The following NAT2 variants were observed in gnomAD, a reference collection of about 807,000 sequenced individuals.
NAT2 encodes N-acetyltransferase 2.
For missense variants in NAT2, 428 were observed against 339.1 expected, an observed-to-expected ratio of 1.26 and a Z score of -2.06; for synonymous variants, 137 against 125.9, an observed-to-expected ratio of 1.09 and a Z score of -0.59.
Position 18,400,635 on chromosome 8 carries a change from C to T in NAT2, c.632C>T (p.Thr211Met), listed in dbSNP as rs749810939. 63 of 1,613,864 alleles carry T rather than the reference C, an allele frequency of 3.9e-5. No homozygotes were observed. Among genetic ancestry groups the T allele is most frequent in the Non-Finnish European group, 3.6e-5 (43 of 1,179,988 alleles). ...DFESMNTYLQ[T>M]SPTSSFITTS... is the part of the protein sequence containing the mutation. ...GAGTCTATGAATACATACCTGCAGA[C>T]GTCTCCAACATCTTCATTTATAACC... The change falls in exon 2 of 2, where the codon ACG becomes ATG. Residue 211 changes from threonine to methionine, a missense_variant. Thr to Met is a moderately conservative substitution (Grantham distance 81). Transcript: ENST00000286479.
intron 1 of NAT2, among the ~76,000 whole-genome samples, chr8:18,395,305 G>C (rs1585136717): frequency 1.3e-5 from 2 of 152,104 alleles, no homozygotes; most frequent in African/African-American, 2.4e-5. Context: ...AATGACAGAA[G>C]TCTTAGGACA....
chr8:18,394,396 C>G (rs536200141), intron 1 of NAT2, among the ~76,000 whole-genome samples: 2 of 152,258 alleles, frequency 1.3e-5, no homozygotes, highest in African/African-American at 4.8e-5. Context: ...TGTTACTATA[C>G]TTGGTCTGAT....
chr8:18,400,369 T>A lies in NAT2; in HGVS notation c.366T>A (p.Asp122Glu). The change falls in exon 2 of 2, where the codon GAT (aspartate) becomes GAA (glutamate). Residue 122 changes from aspartate (D) to glutamate (E), a missense_variant. Physicochemically the swap from Asp to Glu is conservative, Grantham distance 45. Coordinates refer to ENST00000286479, the MANE Select transcript of NAT2 (RefSeq NM_000015.3). Reference sequence around the variant, plus strand: ...TTGACGGCAGGAATTACATTGTCGATGCTGGGTCTGGAAGCTCCTCCCAGA... The same window carrying A: ...TTGACGGCAGGAATTACATTGTCGAAGCTGGGTCTGGAAGCTCCTCCCAGA... ...VTIDGRNYIV[D>E]AGSGSSSQMW... 1 of 1,612,758 alleles carries A rather than the reference T, an allele frequency of 6.2e-7. No individual in the cohort carries two copies. Among genetic ancestry groups the A allele is most frequent in the Non-Finnish European group, 8.5e-7 (1 of 1,179,424 alleles).
At chr8:18,389,517 TGAAAA>T (rs1800560192), upstream of NAT2, among the ~76,000 whole-genome samples, 1 of 152,064 alleles carries the variant, frequency 6.6e-6, no homozygotes, top group East Asian at 1.9e-4. Flanking sequence ...GAAGTGAAAA[TGAAAA>T]GAACACTGAG....
chr8:18,396,584 C>T (rs1800696065), intron 1 of NAT2, among the ~76,000 whole-genome samples: 4 of 152,112 alleles, frequency 2.6e-5, no homozygotes, highest in South Asian at 2.1e-4. Context: ...TTAGTAGAGA[C>T]GGGGTTTCAC....
intron 1 of NAT2, among the ~76,000 whole-genome samples, chr8:18,394,048 T>G (rs45526838): frequency 0.34 from 51,672 of 151,782 alleles, 9,479 homozygotes; most frequent in Middle Eastern, 0.43. Context: ...AGAGAGTCAG[T>G]GAAGGGAGAT....
intron 1 of NAT2, among the ~76,000 whole-genome samples, chr8:18,395,727 G>A (rs1800673041): frequency 6.6e-6 from 1 of 152,120 alleles, no homozygotes; most frequent in African/African-American, 2.4e-5. Flanking sequence ...AGAGATTTGG[G>A]TTACGGGTAT....
At chr8:18,386,572 A>G (rs1800509292), upstream of NAT2, among the ~76,000 whole-genome samples, 1 of 152,138 alleles carries the variant, frequency 6.6e-6, no homozygotes, top group Admixed American at 6.5e-5. Context: ...AGGTGCCCAT[A>G]CACCCCACCC....
chr8:18,399,922 A>T, intron 1 of NAT2, 76 bp from the exon 2 acceptor site: 5 of 1,433,552 alleles, frequency 3.5e-6, no homozygotes, highest in Non-Finnish European at 4.7e-6. Context: ...AAAATACGTT[A>T]TACCTATAAT....
Position 18,400,200 on chromosome 8 carries a change from G to A in NAT2, c.197G>A (p.Gly66Glu). The A allele has an allele frequency of 6.2e-7, 1 of 1,613,048 alleles. No homozygotes were observed. Among genetic ancestry groups the A allele is most frequent in the Non-Finnish European group, 8.5e-7 (1 of 1,179,286 alleles). ...FDHIVRRNRGGWCLQVNQLLY... is the reference protein window; with the variant it reads ...FDHIVRRNRGEWCLQVNQLLY... Reference sequence around the variant, plus strand: ...CACATTGTAAGAAGAAACCGGGGTGGGTGGTGTCTCCAGGTCAATCAACTT... The same window carrying A: ...CACATTGTAAGAAGAAACCGGGGTGAGTGGTGTCTCCAGGTCAATCAACTT... The change falls in exon 2 of 2, where the codon GGG (glycine) becomes GAG (glutamate). Residue 66 changes from glycine to glutamate, a missense_variant. By Grantham distance (98) the Gly-to-Glu change is moderately conservative (BLOSUM62 -2). Coordinates refer to ENST00000286479, the MANE Select transcript of NAT2 (RefSeq NM_000015.3).
intron 1 of NAT2, among the ~76,000 whole-genome samples, chr8:18,394,722 C>T (rs1800654147): frequency 1.3e-5 from 2 of 152,192 alleles, no homozygotes; most frequent in South Asian, 4.1e-4. Context: ...GTTTTATCCA[C>T]AGGGCTATTA....
At chr8:18,386,753 C>G (rs1800511589), upstream of NAT2, among the ~76,000 whole-genome samples, 1 of 152,296 alleles carries the variant, frequency 6.6e-6, no homozygotes, top group Non-Finnish European at 1.5e-5. Flanking sequence ...TTCTCTGACT[C>G]TGCAAACCTC....
intron 1 of NAT2, among the ~76,000 whole-genome samples, chr8:18,397,196 G>C (rs2117617964): frequency 6.6e-6 from 1 of 152,086 alleles, no homozygotes; most frequent in East Asian, 1.9e-4. Flanking sequence ...TGTTTATAAA[G>C]TCTGTCAAAG....
Position 18,400,180 on chromosome 8 carries a change from T to C in NAT2, c.177T>C (p.Ile59=), listed in dbSNP as rs766704100. ...ELGLEAIFDH[I]VRRNRGGWCL... ...GCTTAGAGGCTATTTTTGATCACAT[T>C]GTAAGAAGAAACCGGGGTGGGTGGT... Residue 59 remains isoleucine (I), a synonymous_variant, in exon 2 of 2, where the codon ATT becomes ATC. Transcript: ENST00000286479. The C allele has an allele frequency of 1.9e-6, 3 of 1,613,796 alleles. No homozygotes were observed.
Position 18,401,025 on chromosome 8 carries a change from A to G in NAT2, c.*149A>G. On this transcript the variant is annotated 3_prime_UTR_variant, in exon 2 of 2. Transcript: ENST00000286479. The stretch of plus-strand genomic sequence containing the variant: ...TTCATCCATAAAAATGTCAGCATTT[A>G]TTAAAAAACAATAACTTTTTAAAGA... 1 of 529,052 alleles carries G rather than the reference A, an allele frequency of 1.9e-6. No individual in the cohort carries two copies. Among genetic ancestry groups the G allele is most frequent in the South Asian group, 6.2e-5 (1 of 16,040 alleles). The allele number at this position is 529,052 out of a possible 1,614,324, so 32.8% of individuals were successfully genotyped here. A position where few individuals can be genotyped will look rare whatever the true frequency, so the allele number is the denominator to read the frequency against.
chr8:18,395,625 G>T (rs1372742662), intron 1 of NAT2, among the ~76,000 whole-genome samples: 1 of 152,092 alleles, frequency 6.6e-6, no homozygotes, highest in Non-Finnish European at 1.5e-5. Flanking sequence ...ACTGAATTTA[G>T]AATTTGATTT....
intron 1 of NAT2, among the ~76,000 whole-genome samples, chr8:18,399,441 G>A (rs1011704691): frequency 2.0e-5 from 3 of 152,138 alleles, no homozygotes; most frequent in African/African-American, 7.2e-5. Context: ...GGGCAAGCAA[G>A]TACTAGAACA....
At chr8:18,397,653 T>C (rs1226150790) in intron 1 of NAT2, among the ~76,000 whole-genome samples, 3 of 152,104 alleles carry the variant, frequency 2.0e-5, no homozygotes, top group Non-Finnish European at 4.4e-5. Flanking sequence ...AACCAAAACA[T>C]TGGTTAGAGC....
chr8:18,386,640 A>C (rs1469664689), upstream of NAT2, among the ~76,000 whole-genome samples: 1 of 152,104 alleles, frequency 6.6e-6, no homozygotes. Context: ...GGCAAAGGAC[A>C]TTCTCTTCCT....
Sources: gnomAD v4.1 joint callset for allele counts (sites outside exome capture counted in the v4.1 genomes callset) on GRCh38, gnomAD v4.1.1 for gene constraint, MANE v1.5 for transcripts, NCBI Gene and HGNC (gene_info 2026-07-23, HGNC 2026-07-21) for gene names.